The following TOX3 variants were observed in gnomAD, a reference collection of about 807,000 sequenced individuals.
TOX3 encodes TOX high mobility group box family member 3.
In TOX3, 22 loss-of-function variants were observed where a neutral mutation model predicts 64.3. The ratio of observed to expected loss-of-function variants is 0.34; its 90% CI spans 0.24 to 0.49. The LOEUF (loss-of-function observed/expected upper bound fraction) is 0.49. TOX3 is among the 20% of genes least tolerant of loss of function. The probability of loss-of-function intolerance (pLI) is 0.99; values close to 1 mark genes in which losing one functional copy is unlikely to be tolerated. For synonymous variants in TOX3, 291 were observed against 273.6 expected, an observed-to-expected ratio of 1.06 and a Z score of -0.63; for missense variants, 661 against 714.4, an observed-to-expected ratio of 0.93 and a Z score of 0.85.
In TOX3 at chr16:52,495,781, T is replaced by C. The variant is rs544600216; in HGVS notation, c.88-27207A>G. Reference sequence around the variant, plus strand: ...ATCCTAAAATTTCACCCAAAATTCATCTAGAAATTCTCCAAATTAAGTCAT... The same window carrying C: ...ATCCTAAAATTTCACCCAAAATTCACCTAGAAATTCTCCAAATTAAGTCAT... On this transcript the variant is annotated intron_variant, in intron 1 of 6. Transcript: ENST00000219746. Among the ~76,000 whole-genome samples, 143 of 152,292 alleles carry C rather than the reference T, an allele frequency of 9.4e-4. 1 individual carries two copies. Among genetic ancestry groups the C allele is most frequent in the Admixed American group, 8.9e-3 (136 of 15,294 alleles).
chr16:52,513,740 T>G (rs1257482337), intron 1 of TOX3, among the ~76,000 whole-genome samples: 2 of 152,174 alleles, frequency 1.3e-5, no homozygotes, highest in Non-Finnish European at 2.9e-5. Flanking sequence ...ACTTTTAAAA[T>G]AAGGGGATGT....
At chr16:52,546,581 C>G in intron 1 of TOX3, 56 bp downstream of exon 1, 1 of 1,487,122 alleles carries the variant, frequency 6.7e-7, no homozygotes, top group East Asian at 2.5e-5. Context: ...GCGCGGGGCG[C>G]GCCCAGGATG....
intron 3 of TOX3, among the ~76,000 whole-genome samples, chr16:52,459,516 C>A (rs771099568): frequency 6.6e-6 from 1 of 152,050 alleles, no homozygotes; most frequent in Non-Finnish European, 1.5e-5. Flanking sequence ...TAGTTTTTGA[C>A]CGTAACTTGA....
At chr16:52,519,105 T>A (rs922340529) in intron 1 of TOX3, among the ~76,000 whole-genome samples, 1 of 152,204 alleles carries the variant, frequency 6.6e-6, no homozygotes, top group Admixed American at 6.5e-5. Context: ...AATGGTATCA[T>A]GCGAGGCATG....
chr16:52,535,264 G>C lies in TOX3; in HGVS notation c.87+11373C>G, dbSNP rs112388478. Among the ~76,000 whole-genome samples, 1,472 of 152,254 alleles carry C rather than the reference G, an allele frequency of 9.7e-3. 28 individuals carry two copies. Among genetic ancestry groups the C allele is most frequent in the African/African-American group, 0.034 (1,397 of 41,540 alleles). ...TCCACTCACTCCTTCCACAGTAATTGAGAGTTTCACTGGGCACATGGCCAG... is the reference window on the plus strand; with the variant it reads ...TCCACTCACTCCTTCCACAGTAATTCAGAGTTTCACTGGGCACATGGCCAG... On this transcript the variant is annotated intron_variant, in intron 1 of 6. Transcript: ENST00000219746.
chr16:52,540,206 C>A (rs1480635574), intron 1 of TOX3, among the ~76,000 whole-genome samples: 1 of 151,074 alleles, frequency 6.6e-6, no homozygotes, highest in Non-Finnish European at 1.5e-5. Context: ...ACAGCAAGAC[C>A]CTATCTCTGC....
In TOX3 at chr16:52,440,062, A is replaced by G. The variant is rs1051306117; in HGVS notation, c.988-94T>C. Reference sequence around the variant, plus strand: ...AGATATTATAAATTGATTTTTTTTAACGGCCACCATTATTCATGCCCTCCT... The same window carrying G: ...AGATATTATAAATTGATTTTTTTTAGCGGCCACCATTATTCATGCCCTCCT... On this transcript the variant is annotated intron_variant, in intron 6 of 6. Coordinates refer to ENST00000219746, the MANE Select transcript of TOX3 (RefSeq NM_001080430.4). The G allele has an allele frequency of 1.0e-5, 11 of 1,055,860 alleles. No individual in the cohort carries two copies. The African/African-American group carries it at 1.6e-4, about 15-fold the overall frequency. The allele number at this position is 1,055,860 out of a possible 1,614,324, so 65.4% of individuals were successfully genotyped here.
In TOX3 at chr16:52,546,987, G is replaced by T; in HGVS notation, c.-264C>A. 2.0e-6 allele frequency: 2 copies of T among 975,984 alleles called. No homozygotes were observed. The highest frequency in any genetic ancestry group is 2.4e-6 in the Non-Finnish European group (2 of 824,912). The allele number at this position is 975,984 out of a possible 1,614,324, so 60.5% of individuals were successfully genotyped here. A position where few individuals can be genotyped will look rare whatever the true frequency, so the allele number is the denominator to read the frequency against. On this transcript the variant is annotated 5_prime_UTR_variant, in exon 1 of 7. Coordinates refer to ENST00000219746, the MANE Select transcript of TOX3 (RefSeq NM_001080430.4). ...GGGGCACCGAGGCAGCGCTGCGCGC[G>T]GGCCGGGCGCCGGGGGCGCGGGGCG...
chr16:52,493,735 C>G (rs1367652350), intron 1 of TOX3, among the ~76,000 whole-genome samples: 2 of 152,166 alleles, frequency 1.3e-5, no homozygotes, highest in Non-Finnish European at 2.9e-5. Context: ...TTGCTTCCAC[C>G]TCTTGAAATC....
chr16:52,530,344 T>C (rs1408119776), intron 1 of TOX3, among the ~76,000 whole-genome samples: 1 of 40,528 alleles, frequency 2.5e-5, no homozygotes, highest in Admixed American at 3.1e-4. Flanking sequence ...CACCCCACTT[T>C]TTTTTTTTTT....
intron 1 of TOX3, among the ~76,000 whole-genome samples, chr16:52,544,277 C>G (rs1000864083): frequency 2.0e-5 from 3 of 152,174 alleles, no homozygotes; most frequent in Admixed American, 1.3e-4. Flanking sequence ...TGCTATAAAC[C>G]TTTAATTAGC....
chr16:52,484,766 A>G (rs1051842862), intron 1 of TOX3, among the ~76,000 whole-genome samples: 1 of 152,188 alleles, frequency 6.6e-6, no homozygotes, highest in Non-Finnish European at 1.5e-5. Flanking sequence ...CCTGTGAATT[A>G]TGCCATGAAG....
intron 5 of TOX3, chr16:52,445,192 A>G (rs1960127547): frequency 1.3e-5 from 2 of 152,266 alleles, no homozygotes. Flanking sequence ...ACAAGCTTCT[A>G]GGAATGAGTT....
At chr16:52,468,158 T>C (rs968159300) in intron 2 of TOX3, among the ~76,000 whole-genome samples, 6 of 152,214 alleles carry the variant, frequency 3.9e-5, no homozygotes, top group African/African-American at 1.2e-4. Context: ...TAAAAGTCAC[T>C]TCTAGCCTGG....
chr16:52,513,112 A>G (rs1162878710), intron 1 of TOX3, among the ~76,000 whole-genome samples: 2 of 152,240 alleles, frequency 1.3e-5, no homozygotes, highest in Non-Finnish European at 2.9e-5. Context: ...TTAAGAAAAA[A>G]GAAGTCCAGG....
intron 1 of TOX3, among the ~76,000 whole-genome samples, chr16:52,527,702 A>G (rs1962755098): frequency 2.0e-5 from 3 of 152,122 alleles, no homozygotes. Flanking sequence ...GGGGAACACA[A>G]TGATGGAGGC....
intron 2 of TOX3, 129 bp from the exon 3 acceptor site, chr16:52,464,317 T>G: frequency 9.5e-7 from 1 of 1,049,954 alleles, no homozygotes; most frequent in Non-Finnish European, 1.3e-6. Flanking sequence ...ATTTCTCAAA[T>G]GAAAATATCT....
rs772496329 is a variant in TOX3, at chr16:52,446,157, T to G, written c.743A>C (p.Lys248Thr). The G allele has an allele frequency of 6.2e-7, 1 of 1,613,990 alleles. No homozygotes were observed. The highest frequency in any genetic ancestry group is 1.7e-5 in the Admixed American group (1 of 60,022). The change falls in exon 5 of 7, where the codon AAA becomes ACA. Residue 248 changes from lysine (K) to threonine (T), a missense_variant. This residue lies in a region of TOX3 where 103 missense variants were observed against 161.2 expected (regional missense o/e 0.64). Transcript: ENST00000219746. ...GKKPKTPKKK[K>T]KKDPNEPQKP... is the part of the protein sequence containing the mutation. ...CTGTGGCTCATTGGGATCTTTCTTTTTCTTTTTCTTTGGAGTCTTGGGCTT... is the reference window on the plus strand; with the variant it reads ...CTGTGGCTCATTGGGATCTTTCTTTGTCTTTTTCTTTGGAGTCTTGGGCTT...
Position 52,439,443 on chromosome 16 carries a change from G to T in TOX3, c.1513C>A (p.Gln505Lys), listed in dbSNP as rs1959869138. The change falls in exon 7 of 7, where the codon CAG becomes AAG. Residue 505 changes from glutamine (Q) to lysine (K), a missense_variant. This residue lies in a region of TOX3 where 299 missense variants were observed against 292.1 expected (regional missense o/e 1.02). Transcript: ENST00000219746. Reference protein sequence around the residue: ...QHLQQQINQQQLQQQLQQRLQ... With the variant: ...QHLQQQINQQKLQQQLQQRLQ... ...CGCTGCTGCAGCTGCTGCTGCAGCT[G>T]CTGTTGATTAATTTGCTGCTGGAGA... The T allele has an allele frequency of 2.6e-6, 4 of 1,521,318 alleles. No individual in the cohort carries two copies. The highest frequency in any genetic ancestry group is 3.6e-6 in the Non-Finnish European group (4 of 1,117,766). 94.2% of individuals were successfully genotyped at this position (1,521,318 alleles called of 1,614,324 possible).
Sources: allele counts gnomAD v4.1 joint callset (sites outside exome capture counted in the v4.1 genomes callset), GRCh38; gene constraint gnomAD v4.1.1; regional missense constraint gnomAD v4.1.1; transcripts MANE v1.5; gene names NCBI Gene and HGNC (gene_info 2026-07-23, HGNC 2026-07-21).